DDX3Y: variants seen among roughly 807,000 people sequenced by gnomAD.
The protein encoded by DDX3Y is DEAD-box helicase 3 Y-linked.
A neutral mutation model predicts 15.1 loss-of-function variants in DDX3Y; 2 were observed. That is an observed-to-expected ratio of 0.13 (90% CI 0.05 to 0.42). The LOEUF (loss-of-function observed/expected upper bound fraction) is 0.42. Ranked by LOEUF, DDX3Y falls within the 10% of genes least tolerant of loss-of-function variation. The probability of loss-of-function intolerance (pLI) is 0.99; values close to 1 mark genes in which losing one functional copy is unlikely to be tolerated. For synonymous variants in DDX3Y, 47 were observed against 45.0 expected, an observed-to-expected ratio of 1.04 and a Z score of -0.18; for missense variants, 81 against 149.9, an observed-to-expected ratio of 0.54 and a Z score of 2.40.
intron 7 of DDX3Y, 80 bp from the exon 8 acceptor site, chrY:12,914,484 T>G (rs2053639177): frequency 4.5e-6 from 1 of 220,225 alleles, no homozygotes; most frequent in Non-Finnish European, 7.6e-6. Flanking sequence ...TAAGAAAAAT[T>G]TTCTTACAAT....
At chrY:12,914,144 AGC>A (rs2053637960) in intron 7 of DDX3Y, among the ~76,000 whole-genome samples, 1 of 34,271 alleles carries the variant, frequency 2.9e-5, no homozygotes, top group Non-Finnish European at 7.3e-5. Context: ...GGTCAAACCT[AGC>A]TCTTGTTTAT....
intron 2 of DDX3Y, among the ~76,000 whole-genome samples, chrY:12,907,851 G>A: frequency 6.0e-5 from 2 of 33,476 alleles, no homozygotes; most frequent in Non-Finnish European, 1.5e-4. Flanking sequence ...ATTTGCTTAA[G>A]CCTGGGAGGC....
chrY:12,909,292 A>G, intron 2 of DDX3Y, 68 bp from the exon 3 acceptor site: 2 of 295,642 alleles, frequency 6.8e-6, no homozygotes, highest in Non-Finnish European at 5.0e-6. Flanking sequence ...CTATTTTTTA[A>G]TAGACATTTT....
Position 12,914,880 on chromosome Y carries a change from T to C in DDX3Y, c.760-4T>C. 2.6e-6 allele frequency: 1 copy of C among 389,726 alleles called. No individual in the cohort carries two copies. The highest frequency in any genetic ancestry group is 3.6e-6 in the Non-Finnish European group (1 of 278,625). On this transcript the variant is annotated splice_polypyrimidine_tract_variant and splice_region_variant and intron_variant, in intron 8 of 16. Coordinates refer to ENST00000336079, the MANE Select transcript of DDX3Y (RefSeq NM_004660.5). ...ATGAATTTAAAATTATATTTATGTT[T>C]TAGGAAAATGGAAGGTATGGGCGCC...
chrY:12,915,395 T>A, intron 10 of DDX3Y, 168 bp downstream of exon 10: 1 of 181,450 alleles, frequency 5.5e-6, no homozygotes, highest in South Asian at 4.9e-5. Flanking sequence ...TATTTGAGGC[T>A]CTGAGCTTCA....
At chrY:12,917,773 A>G in intron 16 of DDX3Y, among the ~76,000 whole-genome samples, 1 of 30,719 alleles carries the variant, frequency 3.3e-5, no homozygotes, top group Non-Finnish European at 7.8e-5. Context: ...CATGTTGGCC[A>G]GGCTGGTCTC....
Position 12,913,983 on chromosome Y carries a change from G to A in DDX3Y, c.673+130G>A. The A allele has an allele frequency of 2.8e-5, 4 of 143,129 alleles. No homozygotes were observed. The East Asian group carries it at 4.2e-4, about 15-fold the overall frequency. The allele number at this position is 143,129 out of a possible 400,897, so 35.7% of individuals were successfully genotyped here. ...AGGTAGGTAAAGATTAGCTGAGGAT[G>A]TGTCTTTTTGTGTATACCTTTGGAT... On this transcript the variant is annotated intron_variant, in intron 7 of 16. Coordinates refer to ENST00000336079, the MANE Select transcript of DDX3Y (RefSeq NM_004660.5).
chrY:12,906,394 G>A (rs778296975), intron 1 of DDX3Y, among the ~76,000 whole-genome samples: 3 of 33,795 alleles, frequency 8.9e-5, no homozygotes, highest in Admixed American at 5.4e-4. Context: ...AACGCCTGCA[G>A]TTTACTGAGA....
intron 1 of DDX3Y, chrY:12,905,575 A>G: frequency 2.5e-5 from 1 of 39,737 alleles, no homozygotes; most frequent in Non-Finnish European, 5.2e-5. Flanking sequence ...ACGAGTGACT[A>G]TAATATAGCA....
At chrY:12,917,124 T>A in intron 15 of DDX3Y, 64 bp downstream of exon 15, 1 of 332,058 alleles carries the variant, frequency 3.0e-6, no homozygotes, top group Non-Finnish European at 4.4e-6. Flanking sequence ...CTTTCAGAGT[T>A]AACTTAAAAG....
Position 12,907,565 on chromosome Y carries a change from A to T in DDX3Y, c.74A>T (p.Lys25Ile). ...GCTAATCTGGACCTGAACTCTGAAAAACAGAGTGGAGGAGCAAGTACAGCG... is the reference window on the plus strand; with the variant it reads ...GCTAATCTGGACCTGAACTCTGAAATACAGAGTGGAGGAGCAAGTACAGCG... The part of the protein sequence containing the change: ...QLANLDLNSE[K>I]QSGGASTASK... Residue 25 changes from lysine to isoleucine, a missense_variant, in exon 2 of 17, where the codon AAA becomes ATA. Lys to Ile is a moderately radical substitution (Grantham distance 102, BLOSUM62 -3). Transcript: ENST00000336079. 1 of 375,263 alleles carries T rather than the reference A, an allele frequency of 2.7e-6. No homozygotes were observed. Among genetic ancestry groups the T allele is most frequent in the Non-Finnish European group, 3.7e-6 (1 of 268,402 alleles). 93.6% of individuals were successfully genotyped at this position (375,263 alleles called of 400,897 possible).
Position 12,904,907 on chromosome Y carries a change from G to A in DDX3Y, c.-30G>A, listed in dbSNP as rs1200171220. The A allele has an allele frequency of 5.0e-6, 2 of 397,506 alleles. No homozygotes were observed. The highest frequency in any genetic ancestry group is 7.1e-6 in the Non-Finnish European group (2 of 282,121). On this transcript the variant is annotated 5_prime_UTR_variant, in exon 1 of 17. Transcript: ENST00000336079. ...GCTATTCGGTCTCACACCTACAGTGGACTACCCGATTTTTCGCTTCTCTTC... is the reference window on the plus strand; with the variant it reads ...GCTATTCGGTCTCACACCTACAGTGAACTACCCGATTTTTCGCTTCTCTTC...
intron 3 of DDX3Y, 126 bp from the exon 4 acceptor site, chrY:12,911,713 A>C: frequency 5.5e-6 from 1 of 181,487 alleles, no homozygotes; most frequent in Non-Finnish European, 9.4e-6. Flanking sequence ...TGCTTATGGG[A>C]CTTGTAGACC....
upstream of DDX3Y, chrY:12,904,099 A>T: frequency 2.9e-5 from 1 of 34,117 alleles, no homozygotes; most frequent in South Asian, 6.4e-4. Context: ...GCACACCGGT[A>T]GAAAAACTAG....
At position 12,918,146 on chromosome Y, in the gene DDX3Y, C is replaced by A; in HGVS notation, c.*24C>A. On this transcript the variant is annotated 3_prime_UTR_variant, in exon 17 of 17. Coordinates refer to ENST00000336079, the MANE Select transcript of DDX3Y (RefSeq NM_004660.5). ...GAATCTGCTTTGCAGCAAAGTCACC[C>A]TTACAAAGAAGCTAATATGGAAACC... The A allele has an allele frequency of 2.0e-5, 7 of 354,355 alleles. No homozygotes were observed. The highest frequency in any genetic ancestry group is 2.8e-5 in the Non-Finnish European group (7 of 251,229). The allele number at this position is 354,355 out of a possible 400,897, so 88.4% of individuals were successfully genotyped here. A position where few individuals can be genotyped will look rare whatever the true frequency, so the allele number is the denominator to read the frequency against.
intron 2 of DDX3Y, among the ~76,000 whole-genome samples, chrY:12,909,098 A>G: frequency 3.0e-5 from 1 of 33,587 alleles, no homozygotes. Context: ...TTTAATGGTC[A>G]GTGTTGATTC....
Position 12,919,850 on chromosome Y carries a change from T to A in DDX3Y, c.*1728T>A, listed in dbSNP as rs2053661180. On this transcript the variant is annotated 3_prime_UTR_variant, in exon 17 of 17. Transcript: ENST00000336079. ...TTTGCTGCTAGTTGTGTAATATTTA[T>A]TGAACATTTTGACAAATATTTATTT... 1 of 33,864 alleles carries A rather than the reference T, an allele frequency of 3.0e-5. No individual in the cohort carries two copies. The allele number at this position is 33,864 out of a possible 400,897, so 8.4% of individuals were successfully genotyped here.
In DDX3Y at chrY:12,919,111, G is replaced by C. The variant is rs772365544; in HGVS notation, c.*989G>C. 1 of 33,522 alleles carries C rather than the reference G, an allele frequency of 3.0e-5. No individual in the cohort carries two copies. The highest frequency in any genetic ancestry group is 7.4e-5 in the Non-Finnish European group (1 of 13,532). The allele number at this position is 33,522 out of a possible 400,897, so 8.4% of individuals were successfully genotyped here. A position where few individuals can be genotyped will look rare whatever the true frequency, so the allele number is the denominator to read the frequency against. ...TTTTTGGTCAAGAACGGTTTAAACA[G>C]GAAGGATTGTGCAGCAGGCTTTAAT... On this transcript the variant is annotated 3_prime_UTR_variant, in exon 17 of 17. Coordinates refer to ENST00000336079, the MANE Select transcript of DDX3Y (RefSeq NM_004660.5).
intron 10 of DDX3Y, 147 bp from the exon 11 acceptor site, chrY:12,915,483 A>T: frequency 5.5e-6 from 1 of 180,641 alleles, no homozygotes; most frequent in South Asian, 4.7e-5. Flanking sequence ...TTGTGTGTGT[A>T]TGCATTTGTT....
Sources: gnomAD v4.1 joint callset for allele counts (sites outside exome capture counted in the v4.1 genomes callset) on GRCh38, gnomAD v4.1.1 for gene constraint, MANE v1.5 for transcripts, NCBI Gene and HGNC (gene_info 2026-07-23, HGNC 2026-07-21) for gene names.